Variants in STEAP3 observed in about 807,000 individuals in gnomAD.
STEAP3 encodes the protein STEAP3 metalloreductase.
In STEAP3, 35 loss-of-function variants were observed where a neutral mutation model predicts 34.9. The observed-to-expected ratio is 1.00, with a 90% confidence interval of 0.76 to 1.33. The LOEUF (loss-of-function observed/expected upper bound fraction) is 1.33. Among genes scored for constraint, STEAP3 ranks in the 40% most tolerant of loss-of-function variants. The pLI is 0.00. For synonymous variants in STEAP3, 281 were observed against 301.6 expected (o/e 0.93, Z 0.71); for missense variants, 652 against 667.6 (o/e 0.98, Z 0.26).
chr2:119,258,998 TGGC>T (rs33971638), intron 5 of STEAP3, among the ~76,000 whole-genome samples: 142,554 of 151,876 alleles, frequency 0.94, 66,964 homozygotes, highest in East Asian at 1. Flanking sequence ...CAGTTTTAAC[TGGC>T]TGTTAGATAT....
At chr2:119,236,252 G>C (rs554873088) in intron 2 of STEAP3, among the ~76,000 whole-genome samples, 6 of 152,322 alleles carry the variant, frequency 3.9e-5, no homozygotes, top group Admixed American at 3.9e-4. Flanking sequence ...AACAGGCTCA[G>C]AGCGTAGCAC....
chr2:119,259,483 A>T (rs186149439), intron 5 of STEAP3, among the ~76,000 whole-genome samples: 165 of 152,308 alleles, frequency 1.1e-3, no homozygotes, highest in Non-Finnish European at 1.0e-3. Flanking sequence ...AGCCCTTGCT[A>T]TGAACCACTG....
At chr2:119,249,680 C>A (rs1373496982) in intron 4 of STEAP3, among the ~76,000 whole-genome samples, 1 of 152,152 alleles carries the variant, frequency 6.6e-6, no homozygotes, top group East Asian at 1.9e-4. Context: ...CAGGGCTGGG[C>A]ACCTCCTGAG....
intron 1 of STEAP3, among the ~76,000 whole-genome samples, chr2:119,224,218 G>T (rs1386957685): frequency 6.6e-6 from 1 of 152,230 alleles, no homozygotes; most frequent in Non-Finnish European, 1.5e-5. Flanking sequence ...CCCCGGCTGA[G>T]TCCACAGGTC....
intron 2 of STEAP3, among the ~76,000 whole-genome samples, chr2:119,241,692 C>G (rs139446479): frequency 6.6e-6 from 1 of 152,196 alleles, no homozygotes; most frequent in African/African-American, 2.4e-5. Context: ...GACCAGCTCC[C>G]CTCGGCTGCA....
Position 119,263,178 on chromosome 2 carries a change from T to G in STEAP3, c.1337T>G (p.Leu446Arg), listed in dbSNP as rs1351534738. The G allele has an allele frequency of 6.2e-7, 1 of 1,614,078 alleles. No homozygotes were observed. The highest frequency in any genetic ancestry group is 1.3e-5 in the African/African-American group (1 of 74,940). Residue 446 changes from leucine to arginine, a missense_variant, in exon 6 of 6, where the codon CTG (leucine) becomes CGG (arginine). By Grantham distance (102) the Leu-to-Arg change is moderately radical. Transcript: ENST00000393110. ...CTGCCTCCCACCTTCACGCTCACGC[T>G]GCTGGTGCCCTGCGTCGTCATCCTG... is the stretch of plus-strand genomic sequence containing the variant. ...FYLPPTFTLT[L>R]LVPCVVILAK... is the part of the protein sequence containing the mutation.
At chr2:119,225,092 G>A (rs1387802795) in intron 1 of STEAP3, among the ~76,000 whole-genome samples, 1 of 152,174 alleles carries the variant, frequency 6.6e-6, no homozygotes. Flanking sequence ...CAAAACCAAA[G>A]GGTCTCACCT....
intron 5 of STEAP3, among the ~76,000 whole-genome samples, chr2:119,255,967 C>G (rs987725597): frequency 6.6e-6 from 1 of 152,140 alleles, no homozygotes; most frequent in Non-Finnish European, 1.5e-5. Context: ...TTTGGCATCT[C>G]CCACTGTTCT....
intron 2 of STEAP3, among the ~76,000 whole-genome samples, chr2:119,238,076 G>T (rs10190429): frequency 0.016 from 2,460 of 152,320 alleles, 47 homozygotes; most frequent in African/African-American, 0.045. Flanking sequence ...GTTGATGGAC[G>T]TTTGAATTGT....
chr2:119,250,713 G>T (rs1677598743), intron 4 of STEAP3, among the ~76,000 whole-genome samples: 1 of 152,094 alleles, frequency 6.6e-6, no homozygotes, highest in Non-Finnish European at 1.5e-5. Context: ...AACTGCCTTT[G>T]TCTAAATTCT....
intron 5 of STEAP3, among the ~76,000 whole-genome samples, chr2:119,255,376 A>AC (rs1379284266): frequency 6.6e-6 from 1 of 152,156 alleles, no homozygotes; most frequent in South Asian, 2.1e-4. Context: ...GGGATGCGAC[A>AC]CAGCTTTTTC....
intron 5 of STEAP3, chr2:119,257,473 G>A: frequency 6.5e-7 from 1 of 1,535,262 alleles, no homozygotes; most frequent in South Asian, 1.2e-5. Flanking sequence ...GCAACTTCCA[G>A]TGCAGGAAAC....
rs139847422 is a variant in STEAP3 at position 119,237,203 on chromosome 2, T to G, written c.22+6169T>G. On this transcript the variant is annotated intron_variant, in intron 2 of 5. Transcript: ENST00000393110. ...TTCAGGATCAGTCACCTTAGTAACC[T>G]GCAAGGTCAGCCAGCAAGGGCCCAG... Among the ~76,000 whole-genome samples the G allele has an allele frequency of 2.9e-3, 442 of 152,318 alleles. 4 individuals are homozygous for G. Among genetic ancestry groups the G allele is most frequent in the African/African-American group, 0.01 (423 of 41,582 alleles).
chr2:119,227,353 G>A (rs1026803181), intron 1 of STEAP3, among the ~76,000 whole-genome samples: 1 of 152,168 alleles, frequency 6.6e-6, no homozygotes, highest in Admixed American at 6.5e-5. Flanking sequence ...TCCTCTTCAG[G>A]TGTGGCCTGG....
intron 5 of STEAP3, among the ~76,000 whole-genome samples, chr2:119,259,414 GC>G (rs759653558): frequency 6.6e-6 from 1 of 152,214 alleles, no homozygotes; most frequent in Non-Finnish European, 1.5e-5. Flanking sequence ...AATCATGCAG[GC>G]TTCCCACTGG....
intron 5 of STEAP3, among the ~76,000 whole-genome samples, chr2:119,260,046 A>G (rs13388672): frequency 0.012 from 1,840 of 152,196 alleles, 38 homozygotes; most frequent in African/African-American, 0.042. Context: ...CCCCAAACCA[A>G]CTTAATCTGA....
At chr2:119,239,388 C>T (rs1000918655) in intron 2 of STEAP3, 3 of 152,630 alleles carry the variant, frequency 2.0e-5, no homozygotes, top group African/African-American at 7.2e-5. Context: ...CTGCTTCAGC[C>T]TCCGGAGTAG....
rs190041367 is a variant in STEAP3, at chr2:119,245,872, C to T, written c.406C>T (p.Arg136Cys). Residue 136 changes from arginine (R) to cysteine (C), a missense_variant, in exon 3 of 6, where the codon CGT (arginine) becomes TGT (cysteine). Physicochemically the swap from Arg to Cys is radical, Grantham distance 180. Coordinates refer to ENST00000393110, the MANE Select transcript of STEAP3 (RefSeq NM_182915.3). ...NPTEQEHLQH[R>C]ESNAEYLASL... is the part of the protein sequence containing the mutation. ...TACAGAGCAAGAGCACCTTCAGCAT[C>T]GTGAGTCCAATGCTGAGTACCTGGC... is the stretch of plus-strand genomic sequence containing the variant. 1.6e-5 allele frequency: 26 copies of T among 1,614,140 alleles called. No homozygotes were observed. Among genetic ancestry groups the T allele is most frequent in the African/African-American group, 6.7e-5 (5 of 75,052 alleles).
intron 2 of STEAP3, among the ~76,000 whole-genome samples, chr2:119,231,342 C>CGCGTGTGT (rs1553437402): frequency 7.0e-6 from 1 of 143,492 alleles, no homozygotes; most frequent in Non-Finnish European, 1.5e-5. Flanking sequence ...CACACAGTTG[C>CGCGTGTGT]GTGTGTGTGT....
Sources: allele counts gnomAD v4.1 joint callset (sites outside exome capture counted in the v4.1 genomes callset), GRCh38; gene constraint gnomAD v4.1.1; transcripts MANE v1.5; gene names NCBI Gene and HGNC (gene_info 2026-07-23, HGNC 2026-07-21).